Variants in HADH observed in about 807,000 individuals in gnomAD.
HADH encodes hydroxyacyl-CoA dehydrogenase.
HADH carries 24 observed loss-of-function variants against 32.2 expected under a neutral mutation model. The observed-to-expected ratio is 0.75, with a 90% CI of 0.54 to 1.05. The LOEUF is 1.05. HADH is among the 50% of genes least tolerant of loss of function. The pLI is 0.00. For missense variants in HADH, 350 were observed against 397.1 expected (o/e 0.88, Z 1.01); for synonymous variants, 139 against 152.5 (o/e 0.91, Z 0.65).
intron 4 of HADH, among the ~76,000 whole-genome samples, chr4:108,022,199 GTA>G (rs10600848): frequency 0.15 from 6,076 of 41,804 alleles, 150 homozygotes; most frequent in East Asian, 0.34. Flanking sequence ...ATGTGTGTGT[GTA>G]TGTGTGTGTG....
chr4:108,003,105 CTTTTTTTT>C (rs11390276), intron 1 of HADH, among the ~76,000 whole-genome samples: 1 of 124,214 alleles, frequency 8.1e-6, no homozygotes, highest in Non-Finnish European at 1.6e-5. Context: ...GTGTCTTAGT[CTTTTTTTT>C]TTTTTTTTTT....
At chr4:107,992,987 G>A (rs895623399) in intron 1 of HADH, among the ~76,000 whole-genome samples, 2 of 152,162 alleles carry the variant, frequency 1.3e-5, no homozygotes, top group African/African-American at 2.4e-5. Context: ...ATGGTGGCAT[G>A]TGCCTGTGGT....
chr4:108,022,848 C>T (rs1735938402), intron 4 of HADH, among the ~76,000 whole-genome samples: 1 of 152,188 alleles, frequency 6.6e-6, no homozygotes, highest in Admixed American at 6.5e-5. Flanking sequence ...AAGAAACATA[C>T]TCAGGGTCAC....
intron 1 of HADH, among the ~76,000 whole-genome samples, chr4:108,005,071 T>C (rs1043931576): frequency 6.6e-6 from 1 of 152,242 alleles, no homozygotes; most frequent in Non-Finnish European, 1.5e-5. Context: ...ATTTTCTGTA[T>C]TGGAAACTCC....
Position 107,989,909 on chromosome 4 carries a change from C to G in HADH, c.-24C>G. On this transcript the variant is annotated 5_prime_UTR_variant, in exon 1 of 8. Transcript: ENST00000309522. ...CGCGTCTTCCCTGCCCGGGTCTCCTCGCTGTCGCCGCCGCTGCCACACCAT... is the reference window on the plus strand; with the variant it reads ...CGCGTCTTCCCTGCCCGGGTCTCCTGGCTGTCGCCGCCGCTGCCACACCAT... The G allele has an allele frequency of 6.2e-7, 1 of 1,608,510 alleles. No homozygotes were observed. Among genetic ancestry groups the G allele is most frequent in the Non-Finnish European group, 8.5e-7 (1 of 1,178,374 alleles).
intron 1 of HADH, among the ~76,000 whole-genome samples, chr4:107,997,648 C>T (rs1243006714): frequency 6.6e-6 from 1 of 152,008 alleles, no homozygotes; most frequent in East Asian, 1.9e-4. Flanking sequence ...GAGGACATAG[C>T]CTTCAAATAT....
At chr4:108,010,041 T>C (rs1735436131) in intron 2 of HADH, among the ~76,000 whole-genome samples, 154 bp downstream of exon 2, 1 of 149,330 alleles carries the variant, frequency 6.7e-6, no homozygotes, top group South Asian at 2.1e-4. Flanking sequence ...TAAACCAATA[T>C]AATAACATAA....
intron 2 of HADH, among the ~76,000 whole-genome samples, chr4:108,013,412 G>A (rs1735573564): frequency 6.6e-6 from 1 of 152,006 alleles, no homozygotes; most frequent in Admixed American, 6.6e-5. Context: ...TTGTCTCCTT[G>A]GGCTGAGTTT....
intron 1 of HADH, among the ~76,000 whole-genome samples, chr4:107,992,481 A>G (rs1734843661): frequency 6.6e-6 from 1 of 152,216 alleles, no homozygotes; most frequent in South Asian, 2.1e-4. Flanking sequence ...CTTGACCAAC[A>G]GCTTTTGGCA....
intron 1 of HADH, among the ~76,000 whole-genome samples, chr4:108,008,512 G>T (rs1056004209): frequency 6.6e-6 from 1 of 152,108 alleles, no homozygotes; most frequent in African/African-American, 2.4e-5. Flanking sequence ...TTGCCTTTAG[G>T]TTTTGCTCTT....
At chr4:108,013,002 G>A (rs1275089840) in intron 2 of HADH, among the ~76,000 whole-genome samples, 3 of 152,266 alleles carry the variant, frequency 2.0e-5, no homozygotes, top group Non-Finnish European at 2.9e-5. Context: ...GCGCGATGTC[G>A]GCTCACTGCA....
chr4:108,034,950 A>C lies in HADH; in HGVS notation c.*593A>C, dbSNP rs980646423. On this transcript the variant is annotated 3_prime_UTR_variant, in exon 8 of 8. Coordinates refer to ENST00000309522, the MANE Select transcript of HADH (RefSeq NM_005327.7). ...GCATATCTCTGTTTGCATGGTTTGCAGGAGGTCGGTTTTCATGGTCATTCA... is the reference window on the plus strand; with the variant it reads ...GCATATCTCTGTTTGCATGGTTTGCCGGAGGTCGGTTTTCATGGTCATTCA... 1 of 164,818 alleles carries C rather than the reference A, an allele frequency of 6.1e-6. No individual in the cohort carries two copies. The highest frequency in any genetic ancestry group is 1.3e-5 in the Non-Finnish European group (1 of 74,170). 10.2% of individuals were successfully genotyped at this position (164,818 alleles called of 1,614,324 possible). A position where few individuals can be genotyped will look rare whatever the true frequency, so the allele number is the denominator to read the frequency against.
chr4:107,995,409 C>T (rs1226666966), intron 1 of HADH, among the ~76,000 whole-genome samples: 2 of 152,178 alleles, frequency 1.3e-5, no homozygotes, highest in Non-Finnish European at 2.9e-5. Context: ...TAAATATTAG[C>T]TGCTTTCACA....
chr4:107,996,199 T>G (rs1394361514), intron 1 of HADH, among the ~76,000 whole-genome samples: 1 of 152,182 alleles, frequency 6.6e-6, no homozygotes, highest in Non-Finnish European at 1.5e-5. Context: ...CATGGGAGCC[T>G]CTTAATTGGT....
intron 1 of HADH, chr4:108,004,710 A>G: frequency 6.5e-7 from 1 of 1,530,604 alleles, no homozygotes; most frequent in Middle Eastern, 1.7e-4. Flanking sequence ...CTTTCAAGAA[A>G]GGAATGAAGA....
chr4:108,027,958 G>A, intron 6 of HADH, 198 bp downstream of exon 6: 1 of 621,286 alleles, frequency 1.6e-6, no homozygotes, highest in Non-Finnish European at 2.9e-6. Context: ...GCTTCCCTGT[G>A]GGCCTCTGAG....
intron 1 of HADH, among the ~76,000 whole-genome samples, chr4:107,999,648 G>C (rs1735058827): frequency 1.3e-5 from 2 of 152,170 alleles, no homozygotes. Context: ...TGAAAAAATA[G>C]CTCTGTCATT....
At chr4:107,990,204 A>T in intron 1 of HADH, 140 bp downstream of exon 1, 1 of 874,660 alleles carries the variant, frequency 1.1e-6, no homozygotes, top group Non-Finnish European at 1.7e-6. Context: ...GTGTAGTTGA[A>T]ATATCTCGCG....
chr4:107,992,635 C>T (rs1007238353), intron 1 of HADH, among the ~76,000 whole-genome samples: 1 of 152,134 alleles, frequency 6.6e-6, no homozygotes, highest in African/African-American at 2.4e-5. Flanking sequence ...GGGACTTTAC[C>T]TCTGTGTCTC....
Sources: gnomAD v4.1 joint callset for allele counts (sites outside exome capture counted in the v4.1 genomes callset) on GRCh38, gnomAD v4.1.1 for gene constraint, MANE v1.5 for transcripts, NCBI Gene and HGNC (gene_info 2026-07-23, HGNC 2026-07-21) for gene names.